The following CYP2J2 variants were observed in gnomAD, a reference collection of about 807,000 sequenced individuals.
CYP2J2 encodes the protein cytochrome P450 2J2.
In CYP2J2, 41 loss-of-function variants were observed where a neutral mutation model predicts 48.8. The observed-to-expected ratio is 0.84, with a 90% CI of 0.66 to 1.09. The LOEUF (loss-of-function observed/expected upper bound fraction) is 1.09, where lower values mean the gene tolerates loss of function less well. CYP2J2 is among the 50% of genes least tolerant of loss of function. The probability of loss-of-function intolerance (pLI) is 0.00; values close to 1 mark genes in which losing one functional copy is unlikely to be tolerated. For synonymous variants in CYP2J2, 221 were observed against 227.1 expected, an observed-to-expected ratio of 0.97 and a Z score of 0.24; for missense variants, 644 against 617.3, an observed-to-expected ratio of 1.04 and a Z score of -0.46.
chr1:59,906,187 T>C (rs1030866587), intron 6 of CYP2J2, among the ~76,000 whole-genome samples: 3 of 152,154 alleles, frequency 2.0e-5, no homozygotes, highest in African/African-American at 7.2e-5. Context: ...AAAAAGAATA[T>C]ATTTTCCAGG....
chr1:59,912,425 G>GAA, intron 2 of CYP2J2, 114 bp from the exon 3 acceptor site: 4 of 1,124,698 alleles, frequency 3.6e-6, no homozygotes, highest in Non-Finnish European at 5.1e-6. Context: ...TAAGGCACTT[G>GAA]AAAACTGCCC....
the CYP2J2 span, among the ~76,000 whole-genome samples, chr1:59,944,926 T>G: frequency 6.6e-6 from 1 of 152,202 alleles, no homozygotes; most frequent in Non-Finnish European, 1.5e-5. Flanking sequence ...CTTTTCTTGT[T>G]GGCTTGTATA....
In CYP2J2 at chr1:59,894,120, C is replaced by G. The variant is rs115165750; in HGVS notation, c.1331-291G>C. ...ATAGAAGCGGAAGGCGTGGGCTGAG[C>G]TAGAAAGGGGATGTTTAGCCTAAGA... On this transcript the variant is annotated intron_variant, in intron 8 of 8. Coordinates refer to ENST00000371204, the MANE Select transcript of CYP2J2 (RefSeq NM_000775.4). Among the ~76,000 whole-genome samples the G allele has an allele frequency of 3.6e-3, 552 of 152,046 alleles. 7 individuals are homozygous for G. Among genetic ancestry groups the G allele is most frequent in the South Asian group, 0.012 (56 of 4,802 alleles).
At chr1:59,967,249 T>C in the CYP2J2 span, among the ~76,000 whole-genome samples, 1 of 152,190 alleles carries the variant, frequency 6.6e-6, no homozygotes, top group Non-Finnish European at 1.5e-5. Context: ...AAGGGGTTTA[T>C]GCAAACCTCT....
intron 1 of CYP2J2, among the ~76,000 whole-genome samples, chr1:59,922,809 T>C (rs776489557): frequency 2.0e-4 from 31 of 152,204 alleles, no homozygotes; most frequent in Non-Finnish European, 4.3e-4. Flanking sequence ...ACAGAAACCA[T>C]TTAGCCTTTT....
intron 2 of CYP2J2, among the ~76,000 whole-genome samples, chr1:59,915,404 AG>A (rs972800620): frequency 6.6e-6 from 1 of 152,170 alleles, no homozygotes; most frequent in Non-Finnish European, 1.5e-5. Flanking sequence ...AATAGATTTG[AG>A]ATTTTCATTT....
chr1:59,911,646 C>T lies in CYP2J2; in HGVS notation c.646G>A (p.Asp216Asn). 6.2e-7 allele frequency: 1 copy of T among 1,613,058 alleles called. No homozygotes were observed. Among genetic ancestry groups the T allele is most frequent in the Non-Finnish European group, 8.5e-7 (1 of 1,179,376 alleles). ...SWFQQLLKLL[D>N]EVTYLEASKT... ...GAAGCCTCCAAGTATGTGACTTCATCTAGTAACTTCAGCAGCTGCTGAAAC... is the reference window on the plus strand; with the variant it reads ...GAAGCCTCCAAGTATGTGACTTCATTTAGTAACTTCAGCAGCTGCTGAAAC... The change falls in exon 4 of 9, where the codon GAT becomes AAT. Residue 216 changes from aspartate to asparagine, a missense_variant. By Grantham distance (23) the Asp-to-Asn change is conservative. Transcript: ENST00000371204.
chr1:59,938,132 G>A, the CYP2J2 span, among the ~76,000 whole-genome samples: 1 of 152,096 alleles, frequency 6.6e-6, no homozygotes, highest in Non-Finnish European at 1.5e-5. Context: ...CATATTTGTG[G>A]ATGGTTATCT....
chr1:59,919,289 G>A (rs1467259367), intron 1 of CYP2J2, among the ~76,000 whole-genome samples: 1 of 152,162 alleles, frequency 6.6e-6, no homozygotes, highest in Non-Finnish European at 1.5e-5. Context: ...CTGTATCAAG[G>A]TATTCAACTT....
the CYP2J2 span, among the ~76,000 whole-genome samples, chr1:59,945,312 C>T: frequency 1.3e-5 from 2 of 151,652 alleles, no homozygotes; most frequent in Non-Finnish European, 2.9e-5. Flanking sequence ...TTTTTTCTAC[C>T]ATGGCTATTC....
intron 2 of CYP2J2, among the ~76,000 whole-genome samples, chr1:59,915,617 G>A (rs527344904): frequency 6.6e-6 from 1 of 152,266 alleles, no homozygotes; most frequent in South Asian, 2.1e-4. Context: ...TAAGGAGAGA[G>A]GGTTGGAAGA....
the CYP2J2 span, among the ~76,000 whole-genome samples, chr1:59,938,336 A>G: frequency 1.3e-4 from 20 of 152,146 alleles, no homozygotes; most frequent in Admixed American, 5.2e-4. Context: ...CTCAGTATTT[A>G]ATTACTATTT....
At chr1:59,954,097 C>T in the CYP2J2 span, among the ~76,000 whole-genome samples, 3 of 152,196 alleles carry the variant, frequency 2.0e-5, no homozygotes, top group African/African-American at 7.2e-5. Context: ...TTATTTATCA[C>T]TTTCTACTTC....
chr1:59,963,364 C>T, the CYP2J2 span, among the ~76,000 whole-genome samples: 5 of 152,194 alleles, frequency 3.3e-5, no homozygotes, highest in African/African-American at 1.2e-4. Flanking sequence ...TCTCTCCTCT[C>T]GCATCTTTGG....
At chr1:59,966,396 A>G in the CYP2J2 span, among the ~76,000 whole-genome samples, 1 of 152,180 alleles carries the variant, frequency 6.6e-6, no homozygotes, top group African/African-American at 2.4e-5. Flanking sequence ...GGGATTGTCA[A>G]GCAATCCCAT....
intron 1 of CYP2J2, among the ~76,000 whole-genome samples, chr1:59,925,848 C>T (rs1200258962): frequency 6.6e-6 from 1 of 152,154 alleles, no homozygotes; most frequent in South Asian, 2.1e-4. Context: ...CAGCAAGTTA[C>T]CTGTGCTGAG....
intron 2 of CYP2J2, chr1:59,913,042 T>C (rs1644431882): frequency 6.6e-6 from 1 of 152,220 alleles, no homozygotes; most frequent in Non-Finnish European, 1.5e-5. Context: ...CACCTTTTAA[T>C]ATCTGACTAT....
chr1:59,920,580 T>C (rs951905562), intron 1 of CYP2J2, among the ~76,000 whole-genome samples: 7 of 152,050 alleles, frequency 4.6e-5, no homozygotes, highest in African/African-American at 1.4e-4. Context: ...ATAAGGGAGA[T>C]GGGAGACAAG....
chr1:59,900,880 A>G (rs773076176), intron 8 of CYP2J2, 85 bp downstream of exon 8: 108 of 1,485,250 alleles, frequency 7.3e-5, no homozygotes, highest in East Asian at 1.4e-4. Context: ...AGACATTCCA[A>G]TGAAAACAAG....
Sources: gnomAD v4.1 joint callset for allele counts (sites outside exome capture counted in the v4.1 genomes callset) on GRCh38, gnomAD v4.1.1 for gene constraint, MANE v1.5 for transcripts, NCBI Gene and HGNC (gene_info 2026-07-23, HGNC 2026-07-21) for gene names.